PIK3C2G: variants seen among roughly 807,000 people sequenced by gnomAD.
PIK3C2G encodes phosphatidylinositol-4-phosphate 3-kinase catalytic subunit type 2 gamma.
Under a neutral mutation model 181.1 loss-of-function variants are expected in PIK3C2G, and 168 were observed. The ratio of observed to expected loss-of-function variants is 0.93; its 90% confidence interval spans 0.82 to 1.05. The LOEUF (loss-of-function observed/expected upper bound fraction) is 1.05, where lower values mean the gene tolerates loss of function less well. Among genes scored for constraint, PIK3C2G ranks in the 50% least tolerant of loss-of-function variants. The probability of loss-of-function intolerance (pLI) is 0.00; values close to 1 mark genes in which losing one functional copy is unlikely to be tolerated. For synonymous variants in PIK3C2G, 573 were observed against 592.2 expected, an observed-to-expected ratio of 0.97 and a Z score of 0.47; for missense variants, 1,869 against 1,732.8, an observed-to-expected ratio of 1.08 and a Z score of -1.40.
chr12:18,490,691 T>C (rs1268295100), intron 19 of PIK3C2G, among the ~76,000 whole-genome samples: 1 of 152,222 alleles, frequency 6.6e-6, no homozygotes, highest in Admixed American at 6.5e-5. Context: ...TCCATCCATG[T>C]TGTTGCAAAT....
At chr12:18,389,056 T>G (rs1943366344) in intron 14 of PIK3C2G, among the ~76,000 whole-genome samples, 1 of 152,138 alleles carries the variant, frequency 6.6e-6, no homozygotes, top group African/African-American at 2.4e-5. Flanking sequence ...AGCGTTCCTT[T>G]CAAAAGAAAT....
chr12:18,392,473 C>T (rs1161500481), intron 15 of PIK3C2G, among the ~76,000 whole-genome samples: 1 of 152,088 alleles, frequency 6.6e-6, no homozygotes, highest in Non-Finnish European at 1.5e-5. Context: ...ATGTGCTAGT[C>T]CTGCTCCCAT....
At chr12:18,667,256 C>T in the PIK3C2G span, among the ~76,000 whole-genome samples, 1 of 152,226 alleles carries the variant, frequency 6.6e-6, no homozygotes, top group African/African-American at 2.4e-5. Flanking sequence ...AGAGCTATGA[C>T]AGCATATGAC....
chr12:18,490,970 C>G (rs1370424109), intron 19 of PIK3C2G, among the ~76,000 whole-genome samples: 2 of 152,050 alleles, frequency 1.3e-5, no homozygotes, highest in Non-Finnish European at 2.9e-5. Context: ...CAGCATTATG[C>G]AATTGGATTT....
rs754800505 is a variant in PIK3C2G at position 18,541,706 on chromosome 12, C to A, written c.3480+3394C>A. On this transcript the variant is annotated intron_variant, in intron 25 of 32. Transcript: ENST00000538779. ...ATTCATTACCTGTATCTGTTCACTT[C>A]CTGTTCTAGCTTCCCTTTCCCTTGG... Among the ~76,000 whole-genome samples the A allele has an allele frequency of 8.6e-5, 13 of 152,018 alleles. 1 individual carries two copies. Among genetic ancestry groups the A allele is most frequent in the Middle Eastern group, 6.8e-3 (2 of 294 alleles).
Position 18,399,420 on chromosome 12 carries a change from G to A in PIK3C2G, c.2127-239G>A, listed in dbSNP as rs114166585. Among the ~76,000 whole-genome samples, 1,147 of 150,440 alleles carry A rather than the reference G, an allele frequency of 7.6e-3. 15 individuals are homozygous for A. Among genetic ancestry groups the A allele is most frequent in the African/African-American group, 0.027 (1,092 of 41,074 alleles). ...CGAATAAGAGTGAACAAAAATAAAT[G>A]TGAGTTATCTGAATTGATGTTATTT... is the stretch of plus-strand genomic sequence containing the variant. On this transcript the variant is annotated intron_variant, in intron 15 of 32. Transcript: ENST00000538779.
intron 19 of PIK3C2G, among the ~76,000 whole-genome samples, chr12:18,489,874 G>A (rs888900693): frequency 5.3e-5 from 8 of 151,876 alleles, no homozygotes; most frequent in African/African-American, 1.7e-4. Context: ...TTGATCATTC[G>A]CTTCAAGTAC....
intron 18 of PIK3C2G, among the ~76,000 whole-genome samples, chr12:18,438,947 C>A: frequency 6.6e-6 from 1 of 151,682 alleles, no homozygotes. Flanking sequence ...TTTTTGGAGT[C>A]ATTTAGAAAG....
intron 24 of PIK3C2G, among the ~76,000 whole-genome samples, chr12:18,528,076 A>G (rs1218392362): frequency 6.6e-6 from 1 of 151,932 alleles, no homozygotes; most frequent in East Asian, 1.9e-4. Flanking sequence ...TAGTACATGC[A>G]CTCTCATGTT....
the PIK3C2G span, among the ~76,000 whole-genome samples, chr12:18,678,956 T>A: frequency 2.0e-5 from 3 of 152,046 alleles, no homozygotes; most frequent in African/African-American, 7.2e-5. Context: ...ACATTCCCAC[T>A]AGCAGTGATT....
chr12:18,608,912 G>A (rs1202355214), intron 30 of PIK3C2G, among the ~76,000 whole-genome samples: 1 of 152,066 alleles, frequency 6.6e-6, no homozygotes, highest in Non-Finnish European at 1.5e-5. Context: ...CAGGGGGTGG[G>A]AGGAGTGAAT....
the PIK3C2G span, among the ~76,000 whole-genome samples, chr12:18,706,269 G>T: frequency 6.6e-6 from 1 of 151,622 alleles, no homozygotes; most frequent in African/African-American, 2.4e-5. Flanking sequence ...AGAAGACAGA[G>T]CTATCTATAC....
chr12:18,512,939 A>G (rs1056208874), intron 24 of PIK3C2G, among the ~76,000 whole-genome samples: 4 of 152,048 alleles, frequency 2.6e-5, no homozygotes. Flanking sequence ...TTTGTCATAT[A>G]TGGCCTTTAT....
At position 18,373,694 on chromosome 12, in the gene PIK3C2G, A is replaced by C. The variant is rs1386756000; in HGVS notation, c.1880+2383A>C. The stretch of plus-strand genomic sequence containing the variant: ...GAAACCCCGTATCTACTAAAAAAAT[A>C]CAAAAAAAATTAGCCGGCCGTGGTG... On this transcript the variant is annotated intron_variant, in intron 13 of 32. Coordinates refer to ENST00000538779, the MANE Select transcript of PIK3C2G (RefSeq NM_001288772.2). 2.0e-5 allele frequency among the ~76,000 whole-genome samples: 3 copies of C among 152,062 alleles called. No homozygotes were observed. The East Asian group carries it at 5.8e-4, about 29-fold the overall frequency.
At chr12:18,477,167 T>C (rs1939087332) in intron 18 of PIK3C2G, among the ~76,000 whole-genome samples, 3 of 152,144 alleles carry the variant, frequency 2.0e-5, no homozygotes, top group African/African-American at 7.2e-5. Context: ...CCCAGTCTTA[T>C]GACCTCATTT....
chr12:18,650,718 A>ATTCCAG (rs1565602691), downstream of PIK3C2G, among the ~76,000 whole-genome samples: 1 of 7,108 alleles, frequency 1.4e-4, no homozygotes, highest in African/African-American at 4.5e-4. Context: ...ATATCTATAT[A>ATTCCAG]TATATATATA....
chr12:18,451,224 C>T (rs555142421), intron 18 of PIK3C2G, among the ~76,000 whole-genome samples: 1 of 152,118 alleles, frequency 6.6e-6, no homozygotes, highest in African/African-American at 2.4e-5. Flanking sequence ...AATTTCATTC[C>T]ATTTGTTTGT....
chr12:18,263,718 C>G (rs997920373), intron 1 of PIK3C2G, among the ~76,000 whole-genome samples: 1 of 151,758 alleles, frequency 6.6e-6, no homozygotes, highest in Admixed American at 6.6e-5. Context: ...TTGTTGTTGT[C>G]GATATTATTA....
intron 18 of PIK3C2G, among the ~76,000 whole-genome samples, chr12:18,469,547 A>T (rs778656696): frequency 7.4e-4 from 113 of 152,104 alleles, no homozygotes; most frequent in Admixed American, 3.9e-4. Context: ...TATTTAAACT[A>T]TTAAATATAC....
Sources: allele counts gnomAD v4.1 joint callset (sites outside exome capture counted in the v4.1 genomes callset), GRCh38; gene constraint gnomAD v4.1.1; transcripts MANE v1.5; gene names NCBI Gene and HGNC (gene_info 2026-07-23, HGNC 2026-07-21).